The following PAH variants were observed in gnomAD, a reference collection of about 807,000 sequenced individuals.
PAH encodes the protein phenylalanine-4-hydroxylase.
A neutral mutation model predicts 62.0 loss-of-function variants in PAH; 64 were observed. The observed-to-expected ratio is 1.03, with a 90% CI of 0.84 to 1.27. The LOEUF is 1.27. Ranked by LOEUF, PAH falls within the 50% of genes most tolerant of loss-of-function variation. The pLI is 0.00. For missense variants in PAH, 579 were observed against 542.8 expected (o/e 1.07, Z -0.66); for synonymous variants, 195 against 196.2 (o/e 0.99, Z 0.05).
chr12:102,869,799 C>T (rs12309687), intron 4 of PAH, among the ~76,000 whole-genome samples: 27,383 of 152,110 alleles, frequency 0.18, 2,828 homozygotes, highest in Admixed American at 0.34. Context: ...CTTGGGCTAC[C>T]AGACGACCAC....
At chr12:102,880,603 C>T (rs1876774006) in intron 3 of PAH, among the ~76,000 whole-genome samples, 1 of 152,132 alleles carries the variant, frequency 6.6e-6, no homozygotes, top group Admixed American at 6.6e-5. Context: ...TGCTGCAACC[C>T]CTTCTTACTT....
chr12:102,863,500 C>T (rs1409102680), intron 5 of PAH, among the ~76,000 whole-genome samples: 1 of 152,148 alleles, frequency 6.6e-6, no homozygotes, highest in Non-Finnish European at 1.5e-5. Flanking sequence ...TGAAATCCCT[C>T]ATTCTCCTGC....
chr12:102,864,831 A>C (rs1875882522), intron 5 of PAH, among the ~76,000 whole-genome samples: 1 of 151,882 alleles, frequency 6.6e-6, no homozygotes. Context: ...AGGATGAACT[A>C]TATCAGACCC....
At chr12:102,869,179 T>C (rs1876195697) in intron 4 of PAH, among the ~76,000 whole-genome samples, 1 of 152,246 alleles carries the variant, frequency 6.6e-6, no homozygotes, top group Non-Finnish European at 1.5e-5. Context: ...CCATGAACAG[T>C]TCTTACCCCC....
intron 4 of PAH, among the ~76,000 whole-genome samples, chr12:102,870,040 G>C (rs1052841971): frequency 1.3e-5 from 2 of 152,174 alleles, no homozygotes; most frequent in African/African-American, 4.8e-5. Flanking sequence ...GAGTGGTGAG[G>C]GGGAGGGGAG....
intron 3 of PAH, among the ~76,000 whole-genome samples, chr12:102,889,437 A>T (rs1457362565): frequency 6.6e-6 from 1 of 151,838 alleles, no homozygotes; most frequent in East Asian, 1.9e-4. Context: ...ATAGATAGAT[A>T]GATAGATAGA....
chr12:102,958,187 C>T (rs1879985756), intron 1 of PAH: 7 of 1,353,600 alleles, frequency 5.2e-6, no homozygotes, highest in African/African-American at 3.1e-5. Flanking sequence ...CCCTCGCGGG[C>T]CCCGCACCTC....
intron 8 of PAH, among the ~76,000 whole-genome samples, chr12:102,849,928 C>G (rs1416173253): frequency 6.6e-6 from 1 of 152,200 alleles, no homozygotes; most frequent in African/African-American, 2.4e-5. Context: ...AAGTTGGAAC[C>G]ATGTGACACT....
chr12:102,958,392 G>C, upstream of PAH: 2 of 1,392,836 alleles, frequency 1.4e-6, no homozygotes, highest in Non-Finnish European at 1.9e-6. Context: ...AGCGCAGAGC[G>C]CGCAGCAGCA....
At chr12:102,910,819 G>A (rs1167813482) in intron 2 of PAH, among the ~76,000 whole-genome samples, 4 of 144,554 alleles carry the variant, frequency 2.8e-5, no homozygotes, top group Admixed American at 6.8e-5. Flanking sequence ...TTTCAAGCAC[G>A]TTGGCCCTCT....
Position 102,917,190 on chromosome 12 carries a change from C to T in PAH, c.-60G>A, listed in dbSNP as rs1275425344. 16 of 1,473,518 alleles carry T rather than the reference C, an allele frequency of 1.1e-5. No homozygotes were observed. The highest frequency in any genetic ancestry group is 1.4e-5 in the Non-Finnish European group (15 of 1,052,778). The allele number at this position is 1,473,518 out of a possible 1,614,324, so 91.3% of individuals were successfully genotyped here. ...AGGGCCTCAGGTACAGGCAGGTTTGCAAACAGCACGTGGGGCTGAAGGTTT... is the reference window on the plus strand; with the variant it reads ...AGGGCCTCAGGTACAGGCAGGTTTGTAAACAGCACGTGGGGCTGAAGGTTT... On this transcript the variant is annotated 5_prime_UTR_variant, in exon 1 of 13. Transcript: ENST00000553106.
upstream of PAH, among the ~76,000 whole-genome samples, chr12:102,918,428 T>C (rs1260517139): frequency 1.3e-5 from 2 of 151,508 alleles, no homozygotes; most frequent in Non-Finnish European, 2.9e-5. Context: ...CTCCCACTGT[T>C]CTTTGACCAA....
upstream of PAH, among the ~76,000 whole-genome samples, chr12:102,951,269 G>C (rs1158401894): frequency 6.6e-6 from 1 of 152,188 alleles, no homozygotes; most frequent in East Asian, 1.9e-4. Context: ...ACGGGGGCCG[G>C]AGCACAGAGC....
intron 3 of PAH, among the ~76,000 whole-genome samples, chr12:102,883,178 C>A (rs1362790828): frequency 1.3e-5 from 2 of 152,170 alleles, no homozygotes; most frequent in Non-Finnish European, 2.9e-5. Flanking sequence ...TGAGGCTGGC[C>A]AGATGATACT....
intron 2 of PAH, among the ~76,000 whole-genome samples, chr12:102,906,676 G>C (rs1877988877): frequency 6.6e-6 from 1 of 152,166 alleles, no homozygotes; most frequent in African/African-American, 2.4e-5. Context: ...TGCATTAAGT[G>C]ATTTAATCTT....
At chr12:102,878,337 A>G (rs192562651) in intron 3 of PAH, among the ~76,000 whole-genome samples, 2 of 152,296 alleles carry the variant, frequency 1.3e-5, no homozygotes, top group African/African-American at 2.4e-5. Flanking sequence ...GGATCTGAAG[A>G]TGCCTTGCAG....
intron 2 of PAH, among the ~76,000 whole-genome samples, chr12:102,905,031 T>C (rs1194751655): frequency 1.3e-5 from 2 of 152,172 alleles, no homozygotes; most frequent in Non-Finnish European, 2.9e-5. Context: ...CTTCACGCTT[T>C]CTCAAAGATT....
intron 5 of PAH, 77 bp from the exon 6 acceptor site, chr12:102,855,409 G>A: frequency 1.7e-6 from 2 of 1,154,264 alleles, no homozygotes; most frequent in Non-Finnish European, 2.6e-6. Context: ...AGCAGAGGGA[G>A]TCGGGGACCA....
At chr12:102,839,317 T>G in intron 12 of PAH, 99 bp from the exon 13 acceptor site, 2 of 1,165,260 alleles carry the variant, frequency 1.7e-6, no homozygotes, top group Non-Finnish European at 2.6e-6. Context: ...GTGGGCTTCT[T>G]GGATGAGCTG....
Sources: gnomAD v4.1 joint callset for allele counts (sites outside exome capture counted in the v4.1 genomes callset) on GRCh38, gnomAD v4.1.1 for gene constraint, MANE v1.5 for transcripts, NCBI Gene and HGNC (gene_info 2026-07-23, HGNC 2026-07-21) for gene names.